The following SH3KBP1 variants were observed in gnomAD, a reference collection of about 807,000 sequenced individuals.
The protein encoded by SH3KBP1 is SH3 domain-containing kinase-binding protein 1.
Under a neutral mutation model 50.1 loss-of-function variants are expected in SH3KBP1, and 8 were observed. That is an observed-to-expected ratio of 0.16 (90% CI 0.09 to 0.29). SH3KBP1 has a LOEUF of 0.29. Among genes scored for constraint, SH3KBP1 ranks in the 10% least tolerant of loss-of-function variants. SH3KBP1 has a pLI of 1.00. For missense variants in SH3KBP1, 377 were observed against 535.2 expected, an observed-to-expected ratio of 0.70 and a Z score of 2.92; for synonymous variants, 227 against 218.6, an observed-to-expected ratio of 1.04 and a Z score of -0.34.
intron 8 of SH3KBP1, among the ~76,000 whole-genome samples, chrX:19,622,709 C>T (rs778339187): frequency 2.7e-5 from 3 of 112,057 alleles, no homozygotes; most frequent in Admixed American, 9.5e-5. Flanking sequence ...GCAACATGGT[C>T]TAACACAAAG....
At chrX:19,838,428 T>C (rs1441272374) in intron 1 of SH3KBP1, among the ~76,000 whole-genome samples, 1 of 112,137 alleles carries the variant, frequency 8.9e-6, no homozygotes, top group Non-Finnish European at 1.9e-5. Flanking sequence ...TTTGACTGTG[T>C]CCCCACCATG....
At chrX:19,801,435 C>A (rs190341621) in intron 2 of SH3KBP1, among the ~76,000 whole-genome samples, 9 of 112,478 alleles carry the variant, frequency 8.0e-5, no homozygotes, top group African/African-American at 2.9e-4. Flanking sequence ...CTGTTCCATG[C>A]AATCTCAAGT....
chrX:19,626,460 ATTG>A (rs1224717185), intron 8 of SH3KBP1, among the ~76,000 whole-genome samples: 1 of 111,887 alleles, frequency 8.9e-6, no homozygotes, highest in Non-Finnish European at 1.9e-5. Context: ...GCAAATTAAA[ATTG>A]TTGTCAATAA....
intron 13 of SH3KBP1, among the ~76,000 whole-genome samples, chrX:19,550,777 C>A (rs996744225): frequency 2.7e-5 from 3 of 110,458 alleles, no homozygotes; most frequent in African/African-American, 9.9e-5. Flanking sequence ...GCCATCTAGT[C>A]ACAGGATGGC....
At chrX:19,564,059 A>G (rs1300033960) in intron 13 of SH3KBP1, among the ~76,000 whole-genome samples, 1 of 111,702 alleles carries the variant, frequency 9.0e-6, no homozygotes, top group Non-Finnish European at 1.9e-5. Context: ...ATGATCTGAC[A>G]TGCTGCAAGG....
At chrX:19,867,424 C>T (rs2068940762) in intron 1 of SH3KBP1, among the ~76,000 whole-genome samples, 1 of 111,803 alleles carries the variant, frequency 8.9e-6, no homozygotes, top group Admixed American at 9.4e-5. Context: ...TCTCACGAAC[C>T]CCCCTCAAAA....
In SH3KBP1 at chrX:19,542,017, C is replaced by G. The variant is rs2064924420; in HGVS notation, c.1800G>C (p.Glu600Asp). 1.7e-6 allele frequency: 2 copies of G among 1,212,103 alleles called. No homozygotes were observed. Among genetic ancestry groups the G allele is most frequent in the African/African-American group, 1.7e-5 (1 of 57,880 alleles). ...CGGCCGCCTGGCTGCTGGCCGCAGG[C>G]TCCATCTTTGGTTTTCCTTCCGTGC... ...LFGTEGKPKM[E>D]PAASSQAAVE... The change falls in exon 16 of 18, where the codon GAG (glutamate) becomes GAC (aspartate). Residue 600 changes from glutamate (E) to aspartate (D), a missense_variant. Glu to Asp is a conservative substitution (Grantham distance 45, BLOSUM62 2). Transcript: ENST00000397821.
chrX:19,649,283 G>A (rs1055683026), intron 6 of SH3KBP1, among the ~76,000 whole-genome samples: 22 of 111,840 alleles, frequency 2.0e-4, no homozygotes, highest in African/African-American at 7.2e-4. Flanking sequence ...GGGGGATCTG[G>A]AAACAGACCC....
chrX:19,638,793 G>C (rs2061780104), intron 7 of SH3KBP1, among the ~76,000 whole-genome samples: 1 of 111,661 alleles, frequency 9.0e-6, no homozygotes, highest in African/African-American at 3.3e-5. Flanking sequence ...GGCTAGTGAG[G>C]AGTAGTGAAA....
At chrX:19,552,950 A>T (rs2065284539) in intron 13 of SH3KBP1, among the ~76,000 whole-genome samples, 1 of 110,386 alleles carries the variant, frequency 9.1e-6, no homozygotes, top group Non-Finnish European at 1.9e-5. Context: ...GTGAATAGAG[A>T]GCCTGCCTGG....
intron 3 of SH3KBP1, among the ~76,000 whole-genome samples, chrX:19,722,512 A>G (rs1378463374): frequency 9.3e-6 from 1 of 107,862 alleles, no homozygotes; most frequent in Non-Finnish European, 1.9e-5. Flanking sequence ...CCTTGCTCCC[A>G]GCCCTACTCA....
chrX:19,591,667 C>A lies in SH3KBP1; in HGVS notation c.1138+400G>T, dbSNP rs184479952. On this transcript the variant is annotated intron_variant, in intron 11 of 17. Coordinates refer to ENST00000397821, the MANE Select transcript of SH3KBP1 (RefSeq NM_031892.3). ...TATCTGGACGTGAATTTCACTATGC[C>A]AAATCCATCCATCAACAGTGAATGA... is the stretch of plus-strand genomic sequence containing the variant. 2.3e-4 allele frequency among the ~76,000 whole-genome samples: 26 copies of A among 111,931 alleles called. No individual in the cohort carries two copies. The East Asian group carries it at 3.1e-3, about 13-fold the overall frequency.
At chrX:19,549,261 T>TTA (rs1555980805) in intron 14 of SH3KBP1, among the ~76,000 whole-genome samples, 2 of 111,790 alleles carry the variant, frequency 1.8e-5, no homozygotes, top group African/African-American at 3.3e-5. Flanking sequence ...AATTTTTTTT[T>TTA]AAAAAGCTAA....
intron 13 of SH3KBP1, among the ~76,000 whole-genome samples, chrX:19,554,187 AATATT>A (rs1473948298): frequency 1.5e-5 from 1 of 66,116 alleles, no homozygotes; most frequent in Admixed American, 2.2e-4. Flanking sequence ...ATTAAAATAT[AATATT>A]ATATATCATA....
chrX:19,838,098 C>CAACA (rs1556411513), intron 1 of SH3KBP1, among the ~76,000 whole-genome samples: 1 of 106,386 alleles, frequency 9.4e-6, no homozygotes, highest in African/African-American at 3.8e-5. Context: ...ACAACAACAA[C>CAACA]AAACCAACTT....
At chrX:19,706,603 T>C (rs890732985) in intron 4 of SH3KBP1, among the ~76,000 whole-genome samples, 28 of 110,721 alleles carry the variant, frequency 2.5e-4, no homozygotes, top group Admixed American at 2.2e-3. Flanking sequence ...TCAATTCAAG[T>C]AGAAGAGAAA....
intron 12 of SH3KBP1, among the ~76,000 whole-genome samples, chrX:19,585,043 T>G (rs1208040973): frequency 8.9e-6 from 1 of 112,291 alleles, no homozygotes; most frequent in Non-Finnish European, 1.9e-5. Context: ...AGAAAACAAG[T>G]GCATAAACCA....
chrX:19,701,777 A>G (rs1462896462), intron 4 of SH3KBP1, among the ~76,000 whole-genome samples: 2 of 112,465 alleles, frequency 1.8e-5, no homozygotes, highest in African/African-American at 6.5e-5. Flanking sequence ...GTTTCAAGGG[A>G]CAGGTTCTGT....
chrX:19,659,395 A>AT (rs1293271771), intron 6 of SH3KBP1, among the ~76,000 whole-genome samples: 1 of 109,366 alleles, frequency 9.1e-6, no homozygotes, highest in Admixed American at 9.7e-5. Flanking sequence ...GATTACAAGC[A>AT]TGAGCCACTG....
Sources: allele counts gnomAD v4.1 joint callset (sites outside exome capture counted in the v4.1 genomes callset), GRCh38; gene constraint gnomAD v4.1.1; transcripts MANE v1.5; gene names NCBI Gene and HGNC (gene_info 2026-07-23, HGNC 2026-07-21).